ACTN2: variants seen among roughly 807,000 people sequenced by gnomAD.
The protein encoded by ACTN2 is actinin alpha 2.
A neutral mutation model predicts 113.8 loss-of-function variants in ACTN2; 39 were observed. That is an observed-to-expected ratio of 0.34 (90% confidence interval 0.27 to 0.45). The LOEUF (loss-of-function observed/expected upper bound fraction) is 0.45. Ranked by LOEUF, ACTN2 falls within the 20% of genes least tolerant of loss-of-function variation. The probability of loss-of-function intolerance (pLI) is 1.00; values close to 1 mark genes in which losing one functional copy is unlikely to be tolerated. For synonymous variants in ACTN2, 429 were observed against 444.1 expected, an observed-to-expected ratio of 0.97 and a Z score of 0.43; for missense variants, 992 against 1,177.9, an observed-to-expected ratio of 0.84 and a Z score of 2.31.
chr1:236,749,065 C>T (rs1659316869), intron 13 of ACTN2, 59 bp from the exon 14 acceptor site: 2 of 1,589,348 alleles, frequency 1.3e-6, no homozygotes, highest in South Asian at 2.2e-5. Flanking sequence ...CGCCTACTTA[C>T]ACTTTCAGTG....
chr1:236,762,442 C>G lies in ACTN2; in HGVS notation c.2527-19C>G. On this transcript the variant is annotated intron_variant, in intron 20 of 20. Coordinates refer to ENST00000366578, the MANE Select transcript of ACTN2 (RefSeq NM_001103.4). ...GTGTTTCTGCAACTGACTGCAAACA[C>G]GTGTGTATTTTTTCCCAGCCATACA... 1 of 1,613,878 alleles carries G rather than the reference C, an allele frequency of 6.2e-7. No individual in the cohort carries two copies. Among genetic ancestry groups the G allele is most frequent in the Non-Finnish European group, 8.5e-7 (1 of 1,179,910 alleles).
chr1:236,739,472 G>C lies in ACTN2; in HGVS notation c.1047G>C (p.Gln349His). 2 of 1,614,178 alleles carry C rather than the reference G, an allele frequency of 1.2e-6. No homozygotes were observed. Among genetic ancestry groups the C allele is most frequent in the Non-Finnish European group, 1.7e-6 (2 of 1,180,038 alleles). Reference protein sequence around the residue: ...CQLEINFNTLQTKLRISNRPA... With the variant: ...CQLEINFNTLHTKLRISNRPA... ...TGGAGATCAACTTCAACACGCTGCA[G>C]ACCAAGCTGCGGATCAGCAACCGTC... Residue 349 changes from glutamine to histidine, a missense_variant, in exon 10 of 21, where the codon CAG (glutamine) becomes CAC (histidine). Coordinates refer to ENST00000366578, the MANE Select transcript of ACTN2 (RefSeq NM_001103.4).
chr1:236,761,190 T>C lies in ACTN2; in HGVS notation c.2526+17T>C, dbSNP rs758856925. On this transcript the variant is annotated intron_variant, in intron 20 of 20. Transcript: ENST00000366578. ...TCTGATAAGGTCTGCATTGACAGAT[T>C]TCCTTCTGCTTTAGCAGGAGTCCAC... 2.5e-6 allele frequency: 4 copies of C among 1,613,956 alleles called. No individual in the cohort carries two copies. The East Asian group carries it at 6.7e-5, about 27-fold the overall frequency.
chr1:236,743,978 A>G (rs1444159773), intron 11 of ACTN2, among the ~76,000 whole-genome samples: 1 of 152,240 alleles, frequency 6.6e-6, no homozygotes, highest in African/African-American at 2.4e-5. Context: ...CATTAAATAC[A>G]TGAACATTTG....
chr1:236,718,270 C>G (rs1388037565), intron 2 of ACTN2, among the ~76,000 whole-genome samples: 2 of 152,250 alleles, frequency 1.3e-5, no homozygotes, highest in African/African-American at 2.4e-5. Flanking sequence ...CCTTTCTACT[C>G]TTCGTCCAGC....
At chr1:236,743,616 C>T (rs1659139759) in intron 11 of ACTN2, among the ~76,000 whole-genome samples, 3 of 150,984 alleles carry the variant, frequency 2.0e-5, no homozygotes, top group Admixed American at 2.0e-4. Context: ...GTCCTTCTTG[C>T]CAAGGCAGAA....
intron 1 of ACTN2, among the ~76,000 whole-genome samples, chr1:236,701,743 G>T (rs1211827207): frequency 2.0e-5 from 3 of 152,148 alleles, no homozygotes; most frequent in African/African-American, 7.2e-5. Context: ...CTGTAGATTT[G>T]CTCTTTTGAC....
chr1:236,760,378 G>C (rs1322976052), intron 19 of ACTN2, among the ~76,000 whole-genome samples: 1 of 152,158 alleles, frequency 6.6e-6, no homozygotes, highest in Non-Finnish European at 1.5e-5. Flanking sequence ...TATAACTCAC[G>C]TACTACGGTT....
At chr1:236,718,765 G>A in intron 2 of ACTN2, 129 bp from the exon 3 acceptor site, 1 of 1,286,702 alleles carries the variant, frequency 7.8e-7, no homozygotes, top group Non-Finnish European at 1.1e-6. Flanking sequence ...GAGAGACCAG[G>A]CACACATCAG....
intron 10 of ACTN2, 35 bp downstream of exon 10, chr1:236,739,567 G>T: frequency 1.2e-6 from 2 of 1,605,922 alleles, no homozygotes; most frequent in East Asian, 2.2e-5. Context: ...CTGGCGCCAC[G>T]GGAAGCCCTC....
chr1:236,734,170 TTCTTGCTAGGTTAGGGC>T (rs1210171653), intron 7 of ACTN2, among the ~76,000 whole-genome samples: 1 of 152,162 alleles, frequency 6.6e-6, no homozygotes, highest in Admixed American at 6.5e-5. Flanking sequence ...GGAGGTGCCT[TTCTTGCTAGGTTAGGGC>T]TCTTCTGGGT....
intron 8 of ACTN2, chr1:236,736,738 C>A: frequency 1.0e-6 from 1 of 1,004,598 alleles, no homozygotes; most frequent in Non-Finnish European, 1.5e-6. Context: ...TTCAGGGAGT[C>A]TCCATCCCAT....
rs1393580069 is a variant in ACTN2 at position 236,754,757 on chromosome 1, C to T, written c.1975-262C>T. ...CACAGCAAGAAGCTGAAGGACTTAT[C>T]TCTGACCCCTCTTGCCTCTCTGTTT... On this transcript the variant is annotated intron_variant, in intron 16 of 20. Transcript: ENST00000366578. The surrounding 1 kb of genome is among the most constrained non-coding windows in gnomAD (Gnocchi z 4.9). Among the ~76,000 whole-genome samples the T allele has an allele frequency of 6.6e-6, 1 of 152,234 alleles. No homozygotes were observed. Among genetic ancestry groups the T allele is most frequent in the African/African-American group, 2.4e-5 (1 of 41,462 alleles).
At chr1:236,726,403 T>C (rs1658552138) in intron 5 of ACTN2, among the ~76,000 whole-genome samples, 1 of 152,186 alleles carries the variant, frequency 6.6e-6, no homozygotes, top group Non-Finnish European at 1.5e-5. Context: ...CTAGCGACTC[T>C]TCAGCCCTCA....
chr1:236,730,262 A>G (rs1432597229), intron 6 of ACTN2, among the ~76,000 whole-genome samples: 4 of 136,494 alleles, frequency 2.9e-5, no homozygotes, highest in Non-Finnish European at 4.7e-5. Context: ...AAGAACGTTT[A>G]GTTAAACACT....
chr1:236,758,466 TTTTC>T (rs1390083394), intron 18 of ACTN2, among the ~76,000 whole-genome samples: 4 of 150,490 alleles, frequency 2.7e-5, no homozygotes, highest in East Asian at 4.0e-4. Flanking sequence ...TTTTTTTTTT[TTTTC>T]AGTAGAGACG....
chr1:236,719,722 C>T (rs1333371123), intron 3 of ACTN2, among the ~76,000 whole-genome samples: 1 of 151,862 alleles, frequency 6.6e-6, no homozygotes, highest in Non-Finnish European at 1.5e-5. Flanking sequence ...TTGCTTGATC[C>T]CAGGAGGCGG....
chr1:236,751,656 G>C lies in ACTN2; in HGVS notation c.1839+4G>C. On this transcript the variant is annotated splice_donor_region_variant and intron_variant, in intron 15 of 20. Coordinates refer to ENST00000366578, the MANE Select transcript of ACTN2 (RefSeq NM_001103.4). Reference sequence around the variant, plus strand: ...GCTCCGGACCAAGTGGGACAAGGTGGGTGGCTGAGGGCCTGGTGTGGGACC... The same window carrying C: ...GCTCCGGACCAAGTGGGACAAGGTGCGTGGCTGAGGGCCTGGTGTGGGACC... 1 of 1,613,916 alleles carries C rather than the reference G, an allele frequency of 6.2e-7. No homozygotes were observed. The highest frequency in any genetic ancestry group is 8.5e-7 in the Non-Finnish European group (1 of 1,179,846).
rs1572153551 is a variant in ACTN2 at position 236,762,580 on chromosome 1, T to C, written c.2646T>C (p.Ala882=). The C allele has an allele frequency of 1.2e-6, 2 of 1,614,176 alleles. No homozygotes were observed. Among genetic ancestry groups the C allele is most frequent in the Non-Finnish European group, 1.7e-6 (2 of 1,180,022 alleles). ...PGSVPGALDY[A]AFSSALYGES... is the part of the protein sequence containing the mutation. ...GTGTGCCTGGTGCACTGGATTACGC[T>C]GCGTTCTCTTCCGCACTCTACGGGG... Residue 882 remains alanine (A), a synonymous_variant, in exon 21 of 21, where the codon GCT becomes GCC. Coordinates refer to ENST00000366578, the MANE Select transcript of ACTN2 (RefSeq NM_001103.4).
Sources: allele counts gnomAD v4.1 joint callset (sites outside exome capture counted in the v4.1 genomes callset), GRCh38; gene constraint gnomAD v4.1.1; non-coding constraint Gnocchi (gnomAD v3.1); transcripts MANE v1.5; gene names NCBI Gene and HGNC (gene_info 2026-07-23, HGNC 2026-07-21).